Variants in SMG7 observed in about 807,000 individuals in gnomAD.
SMG7 encodes nonsense-mediated mRNA decay factor SMG7.
A neutral mutation model predicts 148.2 loss-of-function variants in SMG7; 34 were observed. The ratio of observed to expected loss-of-function variants is 0.23; its 90% CI spans 0.17 to 0.31. The LOEUF (loss-of-function observed/expected upper bound fraction) is 0.31. Among genes scored for constraint, SMG7 ranks in the 10% least tolerant of loss-of-function variants. The pLI is 1.00. For synonymous variants in SMG7, 492 were observed against 515.1 expected (o/e 0.96, Z 0.61); for missense variants, 1,114 against 1,408.4 (o/e 0.79, Z 3.35).
In SMG7 at chr1:183,545,035, C is replaced by T. The variant is rs1239743198; in HGVS notation, c.2093C>T (p.Pro698Leu). ...GVSVPGTFLQ[P>L]TAHSPAGNQV... ...TCTGTCCCAGGAACCTTTCTTCAGCCTACAGCTCACTCTCCAGCAGGAAAC... is the reference window on the plus strand; with the variant it reads ...TCTGTCCCAGGAACCTTTCTTCAGCTTACAGCTCACTCTCCAGCAGGAAAC... Residue 698 changes from proline (P) to leucine (L), a missense_variant, in exon 16 of 23, where the codon CCT becomes CTT. Around this residue, in one of 4 missense-constraint regions of SMG7, gnomAD observed 788 missense variants for 894.5 expected, o/e 0.88. Coordinates refer to ENST00000688051, the MANE Select transcript of SMG7 (RefSeq NM_001375584.1). The T allele has an allele frequency of 6.2e-7, 1 of 1,614,036 alleles. No individual in the cohort carries two copies. The highest frequency in any genetic ancestry group is 8.5e-7 in the Non-Finnish European group (1 of 1,179,996).
chr1:183,529,918 G>C (rs1444129490), intron 8 of SMG7, among the ~76,000 whole-genome samples: 3 of 152,078 alleles, frequency 2.0e-5, no homozygotes, highest in Admixed American at 2.0e-4. Context: ...TATTGTGCTT[G>C]CATTCATCAG....
Position 183,541,097 on chromosome 1 carries a change from A to T in SMG7, c.1409A>T (p.Gln470Leu). The T allele has an allele frequency of 1.2e-6, 2 of 1,613,162 alleles. No homozygotes were observed. Among genetic ancestry groups the T allele is most frequent in the Non-Finnish European group, 1.7e-6 (2 of 1,179,300 alleles). Reference sequence around the variant, plus strand: ...ATAGGCAAATGGATTGCTGATAATCAGCCAAGGTAAGTCTGGAACTTCTGG... The same window carrying T: ...ATAGGCAAATGGATTGCTGATAATCTGCCAAGGTAAGTCTGGAACTTCTGG... ...ISIGKWIADN[Q>L]PRLIQCENEV... The change falls in exon 13 of 23, where the codon CAG becomes CTG. Residue 470 changes from glutamine (Q) to leucine (L), a missense_variant. Physicochemically the swap from Gln to Leu is moderately radical, Grantham distance 113. This residue lies in a region of SMG7 where 788 missense variants were observed against 894.5 expected (regional missense o/e 0.88). Coordinates refer to ENST00000688051, the MANE Select transcript of SMG7 (RefSeq NM_001375584.1).
intron 1 of SMG7, among the ~76,000 whole-genome samples, chr1:183,507,349 C>T (rs1344487652): frequency 6.6e-6 from 1 of 151,910 alleles, no homozygotes; most frequent in East Asian, 1.9e-4. Context: ...TATTGAAAGC[C>T]CCAGTTCTAT....
At chr1:183,532,277 C>G (rs1250197512) in intron 8 of SMG7, among the ~76,000 whole-genome samples, 4 of 152,238 alleles carry the variant, frequency 2.6e-5, no homozygotes, top group African/African-American at 9.6e-5. Flanking sequence ...GATAATGAAT[C>G]CCTGCTCTCT....
At chr1:183,505,313 T>A (rs980523766) in intron 1 of SMG7, among the ~76,000 whole-genome samples, 6 of 152,322 alleles carry the variant, frequency 3.9e-5, no homozygotes, top group Non-Finnish European at 4.4e-5. Context: ...TCAGTCCTTA[T>A]TTATCTCATA....
rs75471054 is a variant in SMG7, at chr1:183,517,499, G to T, written c.180-189G>T. 1,949 of 627,620 alleles carry T rather than the reference G, an allele frequency of 3.1e-3. 29 individuals carry two copies. In the African/African-American group the frequency reaches 0.032, roughly 10 times the overall value. The allele number at this position is 627,620 out of a possible 1,614,324, so 38.9% of individuals were successfully genotyped here. A position where few individuals can be genotyped will look rare whatever the true frequency, so the allele number is the denominator to read the frequency against. On this transcript the variant is annotated intron_variant, in intron 3 of 22. Coordinates refer to ENST00000688051, the MANE Select transcript of SMG7 (RefSeq NM_001375584.1). ...GGTAAGTGTTTACTAAGGTCAGTTG[G>T]ATTCTACTGCATGTCTAGTCTTGTT...
chr1:183,474,504 CAGT>C (rs1158925721), intron 1 of SMG7, among the ~76,000 whole-genome samples: 1 of 152,170 alleles, frequency 6.6e-6, no homozygotes, highest in African/African-American at 2.4e-5. Flanking sequence ...GCAGAGGTTG[CAGT>C]GAGCCGAGAT....
At chr1:183,512,745 T>G (rs539247327) in intron 1 of SMG7, 92 bp from the exon 2 acceptor site, 1 of 1,201,324 alleles carries the variant, frequency 8.3e-7, no homozygotes, top group South Asian at 1.4e-5. Context: ...TAGTATATGA[T>G]TTCACCTAAC....
chr1:183,524,162 G>A (rs1354049469), intron 4 of SMG7, among the ~76,000 whole-genome samples: 1 of 151,892 alleles, frequency 6.6e-6, no homozygotes, highest in East Asian at 1.9e-4. Flanking sequence ...GCTCACTGCG[G>A]CCTGGAACTC....
Position 183,547,178 on chromosome 1 carries a change from A to G in SMG7, c.2818A>G (p.Ile940Val). 1 of 1,550,336 alleles carries G rather than the reference A, an allele frequency of 6.5e-7. No individual in the cohort carries two copies. Among genetic ancestry groups the G allele is most frequent in the Non-Finnish European group, 8.7e-7 (1 of 1,146,904 alleles). ...LAALEEEEEL[I>V]FSNPPDLYPA... ...TGCCTTGGAGGAAGAGGAAGAGCTG[A>G]TTTTTTCTAACCCTCCTGATCTTTA... Residue 940 changes from isoleucine (I) to valine (V), a missense_variant, in exon 18 of 23, where the codon ATT (isoleucine) becomes GTT (valine). By Grantham distance (29) the Ile-to-Val change is conservative (BLOSUM62 3). This residue lies in a region of SMG7 where 788 missense variants were observed against 894.5 expected (regional missense o/e 0.88). Transcript: ENST00000688051.
chr1:183,513,795 C>T (rs1314906540), intron 2 of SMG7, among the ~76,000 whole-genome samples: 1 of 151,880 alleles, frequency 6.6e-6, no homozygotes, highest in Non-Finnish European at 1.5e-5. Flanking sequence ...TTTTGGAAGC[C>T]CAGGTGAGTG....
Position 183,545,144 on chromosome 1 carries a change from A to G in SMG7, c.2202A>G (p.Gln734=), listed in dbSNP as rs1669693940. The G allele has an allele frequency of 6.2e-7, 1 of 1,614,056 alleles. No homozygotes were observed. The highest frequency in any genetic ancestry group is 8.5e-7 in the Non-Finnish European group (1 of 1,179,982). Residue 734 remains glutamine (Q), a synonymous_variant, in exon 16 of 23, where the codon CAA becomes CAG. Transcript: ENST00000688051. Reference sequence around the variant, plus strand: ...CAGGGCCAATGAACCAGGGACCTCAACAATCACAGCCACCTTCCCAGCAAC... The same window carrying G: ...CAGGGCCAATGAACCAGGGACCTCAGCAATCACAGCCACCTTCCCAGCAAC... ...SGPGPMNQGP[Q]QSQPPSQQPL... is the part of the protein sequence containing the mutation.
chr1:183,476,675 T>C (rs1652258541), intron 1 of SMG7, among the ~76,000 whole-genome samples: 1 of 152,150 alleles, frequency 6.6e-6, no homozygotes, highest in African/African-American at 2.4e-5. Flanking sequence ...AATTTTTTGT[T>C]TGTTGAAAGG....
intron 1 of SMG7, among the ~76,000 whole-genome samples, chr1:183,508,696 A>G (rs933466674): frequency 6.6e-6 from 1 of 152,190 alleles, no homozygotes; most frequent in Non-Finnish European, 1.5e-5. Context: ...TAACCCTCCC[A>G]CCTGTCTAAA....
chr1:183,519,890 A>G (rs988903715), intron 4 of SMG7, among the ~76,000 whole-genome samples: 1 of 152,214 alleles, frequency 6.6e-6, no homozygotes. Context: ...TAGAAAGTTT[A>G]AAGTGAAAGT....
At chr1:183,519,068 C>T (rs1188204397) in intron 4 of SMG7, among the ~76,000 whole-genome samples, 2 of 152,092 alleles carry the variant, frequency 1.3e-5, no homozygotes, top group African/African-American at 4.8e-5. Flanking sequence ...TGCTACCTGC[C>T]TGTAATCCCA....
chr1:183,552,688 G>C lies in SMG7; in HGVS notation c.*757G>C. 1 of 1,206,900 alleles carries C rather than the reference G, an allele frequency of 8.3e-7. No homozygotes were observed. Among genetic ancestry groups the C allele is most frequent in the Non-Finnish European group, 1.0e-6 (1 of 962,820 alleles). The allele number at this position is 1,206,900 out of a possible 1,614,324, so 74.8% of individuals were successfully genotyped here. A position where few individuals can be genotyped will look rare whatever the true frequency, so the allele number is the denominator to read the frequency against. On this transcript the variant is annotated 3_prime_UTR_variant, in exon 23 of 23. Transcript: ENST00000688051. ...GGATACAGTGTGGGTGGTGGTGCTG[G>C]GCTGGACTAGCAGGTAGACTGCTGT...
At chr1:183,546,449 T>TA in intron 17 of SMG7, 112 bp downstream of exon 17, 1 of 1,099,820 alleles carries the variant, frequency 9.1e-7, no homozygotes, top group Non-Finnish European at 1.3e-6. Flanking sequence ...GTTAGTACTA[T>TA]AGAATGCCAC....
chr1:183,478,420 C>T (rs1653218315), intron 1 of SMG7, among the ~76,000 whole-genome samples: 2 of 152,084 alleles, frequency 1.3e-5, no homozygotes, highest in African/African-American at 4.8e-5. Context: ...AGCTTATTAC[C>T]TGCTTGGATA....
Sources: gnomAD v4.1 joint callset for allele counts (sites outside exome capture counted in the v4.1 genomes callset) on GRCh38, gnomAD v4.1.1 for gene constraint, gnomAD v4.1.1 regional missense constraint, MANE v1.5 for transcripts, NCBI Gene and HGNC (gene_info 2026-07-23, HGNC 2026-07-21) for gene names.